Variants in IQCM observed in about 807,000 individuals in gnomAD.
IQCM encodes IQ domain-containing protein M.
Under a neutral mutation model 57.6 loss-of-function variants are expected in IQCM, and 45 were observed. The ratio of observed to expected loss-of-function variants is 0.78; its 90% CI spans 0.62 to 1.00. The LOEUF is 1.00. Among genes scored for constraint, IQCM ranks in the 50% least tolerant of loss-of-function variants. The pLI is 0.00. For synonymous variants in IQCM, 148 were observed against 158.9 expected, an observed-to-expected ratio of 0.93 and a Z score of 0.51; for missense variants, 468 against 511.6, an observed-to-expected ratio of 0.91 and a Z score of 0.82.
At chr4:149,653,463 A>ATG (rs1027269472) in intron 7 of IQCM, among the ~76,000 whole-genome samples, 24 of 151,858 alleles carry the variant, frequency 1.6e-4, no homozygotes, top group South Asian at 6.3e-4. Context: ...TATAACATAT[A>ATG]TGTGTGTGTG....
chr4:149,606,929 G>A (rs536189912), intron 8 of IQCM, among the ~76,000 whole-genome samples: 2 of 152,092 alleles, frequency 1.3e-5, no homozygotes, highest in South Asian at 4.2e-4. Flanking sequence ...TCTCAAAGGG[G>A]CAAATCTTAG....
chr4:149,472,016 A>T (rs1191259833), intron 12 of IQCM, among the ~76,000 whole-genome samples: 1 of 152,230 alleles, frequency 6.6e-6, no homozygotes, highest in Non-Finnish European at 1.5e-5. Flanking sequence ...CCAATATCAT[A>T]CTGAATGGAC....
intron 2 of IQCM, among the ~76,000 whole-genome samples, chr4:149,804,966 A>G (rs1580342572): frequency 6.6e-6 from 1 of 152,016 alleles, no homozygotes; most frequent in Admixed American, 6.6e-5. Context: ...GGAACATATA[A>G]CTGCCTCTAA....
chr4:149,434,324 AACAATAATTTAAATTGCAC>A (rs1471629626), intron 12 of IQCM, among the ~76,000 whole-genome samples: 1 of 152,138 alleles, frequency 6.6e-6, no homozygotes. Flanking sequence ...GCTGGAATTA[AACAATAATTTAAATTGCAC>A]AGCGAAAAAT....
At chr4:149,481,711 T>TTTTTTTTG (rs1740887833) in intron 12 of IQCM, among the ~76,000 whole-genome samples, 2 of 137,806 alleles carry the variant, frequency 1.5e-5, no homozygotes, top group African/African-American at 5.4e-5. Flanking sequence ...GTTTTTTTTT[T>TTTTTTTTG]TTTTTTTTTT....
intron 9 of IQCM, among the ~76,000 whole-genome samples, chr4:149,564,786 T>C (rs1356668914): frequency 6.7e-6 from 1 of 148,298 alleles, no homozygotes; most frequent in African/African-American, 2.5e-5. Flanking sequence ...CTCCTTATGG[T>C]CATGTGAGTT....
intron 2 of IQCM, among the ~76,000 whole-genome samples, chr4:149,786,354 G>A (rs376790919): frequency 2.0e-5 from 3 of 152,162 alleles, no homozygotes. Context: ...CGGAGAAAGA[G>A]GTCCAGAGAT....
chr4:149,484,232 T>C (rs1741222140), intron 12 of IQCM, among the ~76,000 whole-genome samples: 1 of 152,002 alleles, frequency 6.6e-6, no homozygotes, highest in Non-Finnish European at 1.5e-5. Context: ...AATGGATCAT[T>C]GAGTCTTGTT....
At chr4:149,512,590 TCTA>T (rs972657447) in intron 12 of IQCM, among the ~76,000 whole-genome samples, 7 of 152,188 alleles carry the variant, frequency 4.6e-5, no homozygotes, top group Non-Finnish European at 1.0e-4. Flanking sequence ...GTTGAATTAT[TCTA>T]CTAAGCCAGA....
intron 12 of IQCM, among the ~76,000 whole-genome samples, chr4:149,545,726 T>C (rs1748330690): frequency 6.6e-6 from 1 of 151,868 alleles, no homozygotes; most frequent in Non-Finnish European, 1.5e-5. Flanking sequence ...GTTAAAGAGA[T>C]AGCTGTACCT....
intron 12 of IQCM, among the ~76,000 whole-genome samples, chr4:149,445,665 C>T (rs1266459116): frequency 6.6e-6 from 1 of 151,660 alleles, no homozygotes; most frequent in East Asian, 1.9e-4. Flanking sequence ...ATGACTTCAG[C>T]CTTTTTATCT....
chr4:149,400,864 T>A (rs533053726), intron 13 of IQCM, among the ~76,000 whole-genome samples: 2 of 152,056 alleles, frequency 1.3e-5, no homozygotes, highest in African/African-American at 4.8e-5. Context: ...ACAAATCTCA[T>A]GTAAAGCTGT....
intron 7 of IQCM, among the ~76,000 whole-genome samples, chr4:149,638,600 G>T (rs1579804256): frequency 6.6e-6 from 1 of 152,036 alleles, no homozygotes; most frequent in South Asian, 2.1e-4. Flanking sequence ...GCAAAAACAT[G>T]GATAAATCTA....
intron 2 of IQCM, among the ~76,000 whole-genome samples, chr4:149,812,978 G>A (rs140604025): frequency 6.6e-6 from 1 of 152,232 alleles, no homozygotes; most frequent in East Asian, 1.9e-4. Flanking sequence ...GAGTTAATGA[G>A]CATCTTTTTG....
chr4:149,777,087 T>G (rs1000221929), intron 2 of IQCM, among the ~76,000 whole-genome samples: 1 of 152,116 alleles, frequency 6.6e-6, no homozygotes. Context: ...TTTGGAAAAT[T>G]TCTCCAAATT....
chr4:149,802,573 A>G (rs1773700851), intron 2 of IQCM, among the ~76,000 whole-genome samples: 1 of 151,952 alleles, frequency 6.6e-6, no homozygotes, highest in Non-Finnish European at 1.5e-5. Flanking sequence ...ACAAAAGCTA[A>G]TGGAGCATTC....
intron 8 of IQCM, among the ~76,000 whole-genome samples, chr4:149,604,576 C>G (rs950699370): frequency 1.3e-5 from 2 of 152,208 alleles, no homozygotes; most frequent in African/African-American, 2.4e-5. Context: ...ACCCTGGCTA[C>G]TAGAACTTTC....
intron 13 of IQCM, among the ~76,000 whole-genome samples, chr4:149,379,462 T>G (rs958310883): frequency 1.3e-5 from 2 of 152,198 alleles, no homozygotes; most frequent in African/African-American, 2.4e-5. Context: ...TGCAACAGCA[T>G]GACCCAGATG....
In IQCM at chr4:149,368,775, TATATACATGTATATATATAC is replaced by T. The variant is rs1560778712; in HGVS notation, c.1391-16729_1391-16710del. Among the ~76,000 whole-genome samples, 25 of 119,420 alleles carry T rather than the reference TATATACATGTATATATATAC, an allele frequency of 2.1e-4. 1 individual carries two copies. The Admixed American group carries it at 2.2e-3, about 10-fold the overall frequency. The allele number at this position is 119,420 out of a possible 152,430, so 78.3% of individuals were successfully genotyped here. On this transcript the variant is annotated intron_variant, in intron 13 of 13. Transcript: ENST00000636793. Reference sequence around the variant, plus strand: ...ATACATGTATATATATATATACATATATATACATGTATATATATACATATATATACATGTATATATATACA... The same window carrying T: ...ATACATGTATATATATATATACATATATATATATACATGTATATATATACA...
Sources: allele counts gnomAD v4.1 joint callset (sites outside exome capture counted in the v4.1 genomes callset), GRCh38; gene constraint gnomAD v4.1.1; transcripts MANE v1.5; gene names NCBI Gene and HGNC (gene_info 2026-07-23, HGNC 2026-07-21).